The following TNPO3 variants were observed in gnomAD, a reference collection of about 807,000 sequenced individuals.
TNPO3 encodes the protein transportin 3, also known as transportin-3.
A neutral mutation model predicts 122.8 loss-of-function variants in TNPO3; 65 were observed. That is an observed-to-expected ratio of 0.53 (90% CI 0.43 to 0.65). The LOEUF (loss-of-function observed/expected upper bound fraction) is 0.65, where lower values mean the gene tolerates loss of function less well. TNPO3 is among the 30% of genes least tolerant of loss of function. TNPO3 has a pLI of 0.00. For synonymous variants in TNPO3, 372 were observed against 411.2 expected (o/e 0.90, Z 1.15); for missense variants, 850 against 1,136.7 (o/e 0.75, Z 3.63).
rs560517355 is a variant in TNPO3, at chr7:128,984,869, C to T, written c.1691-610G>A. Among the ~76,000 whole-genome samples, 7 of 152,186 alleles carry T rather than the reference C, an allele frequency of 4.6e-5. No homozygotes were observed. In the East Asian group the frequency reaches 1.3e-3, roughly 29 times the overall value. ...AGCCTCCTACCCCCTTTCTTTTTCCCTCCTAAACAAATCTTGACTTAGAAC... is the reference window on the plus strand; with the variant it reads ...AGCCTCCTACCCCCTTTCTTTTTCCTTCCTAAACAAATCTTGACTTAGAAC... On this transcript the variant is annotated intron_variant, in intron 12 of 22. Transcript: ENST00000265388.
rs112012198 is a variant in TNPO3 at position 129,036,114 on chromosome 7, C to A, written c.121-17957G>T. On this transcript the variant is annotated intron_variant, in intron 1 of 22. Coordinates refer to ENST00000265388, the MANE Select transcript of TNPO3 (RefSeq NM_012470.4). ...GACTCCAGGCGCCTGCCACCACACC[C>A]GGCTAATTTTTGTATTTTTAATAGA... Among the ~76,000 whole-genome samples the A allele has an allele frequency of 6.9e-3, 1,049 of 151,996 alleles. 14 individuals are homozygous for A. The highest frequency in any genetic ancestry group is 0.024 in the African/African-American group (1,012 of 41,468).
At chr7:128,977,386 T>C (rs1441190945) in intron 16 of TNPO3, among the ~76,000 whole-genome samples, 1 of 152,220 alleles carries the variant, frequency 6.6e-6, no homozygotes, top group Non-Finnish European at 1.5e-5. Context: ...AATGCGAACA[T>C]ACATTATTGT....
intron 22 of TNPO3, among the ~76,000 whole-genome samples, chr7:128,956,847 A>C (rs1447950146): frequency 6.6e-6 from 1 of 152,192 alleles, no homozygotes; most frequent in Non-Finnish European, 1.5e-5. Context: ...CACCACATAT[A>C]ACAGTCAACT....
chr7:129,053,047 G>A (rs960671734), intron 1 of TNPO3, among the ~76,000 whole-genome samples: 1 of 152,210 alleles, frequency 6.6e-6, no homozygotes, highest in East Asian at 1.9e-4. Flanking sequence ...AGTTGCAGCG[G>A]GGGGCGATGG....
chr7:129,015,132 G>A lies in TNPO3; in HGVS notation c.399C>T (p.Tyr133=), dbSNP rs1185271003. 2.5e-6 allele frequency: 4 copies of A among 1,607,704 alleles called. No individual in the cohort carries two copies. The African/African-American group carries it at 4.0e-5, about 16-fold the overall frequency. Residue 133 remains tyrosine, a synonymous_variant, in exon 4 of 23, where the codon TAC becomes TAT. Transcript: ENST00000265388. ...KGCVQTLVEK[Y]SNDVTSLPFL... is the part of the protein sequence containing the mutation. ...AAGGCAAAGAAGTCACATCATTGCT[G>A]TATCTGCAAAAGAAAAAAGTGGAGA...
intron 15 of TNPO3, 50 bp downstream of exon 15, chr7:128,979,921 A>T: frequency 1.3e-6 from 2 of 1,555,510 alleles, no homozygotes; most frequent in Non-Finnish European, 8.9e-7. Flanking sequence ...AAAGCCCTGT[A>T]AGGAAAAAAG....
intron 16 of TNPO3, 121 bp from the exon 17 acceptor site, chr7:128,976,056 A>G: frequency 7.1e-6 from 5 of 709,162 alleles, no homozygotes; most frequent in South Asian, 4.7e-5. Context: ...GCAACATAGT[A>G]TAAAGCTTCT....
chr7:128,957,752 A>G (rs564402148), intron 21 of TNPO3, among the ~76,000 whole-genome samples: 6 of 152,346 alleles, frequency 3.9e-5, no homozygotes, highest in African/African-American at 1.4e-4. Flanking sequence ...CTTGGTTGCT[A>G]CGGCTCTCAT....
intron 21 of TNPO3, among the ~76,000 whole-genome samples, chr7:128,960,463 G>A (rs1460630272): frequency 6.6e-6 from 1 of 151,966 alleles, no homozygotes; most frequent in Non-Finnish European, 1.5e-5. Flanking sequence ...CTTCTAAGTG[G>A]GACAAGATGT....
At chr7:128,969,471 C>T (rs2029817) in intron 20 of TNPO3, among the ~76,000 whole-genome samples, 43,364 of 151,746 alleles carry the variant, frequency 0.29, 7,113 homozygotes, top group Middle Eastern at 0.38. Flanking sequence ...ACTGCTTTTA[C>T]AGTAATATTA....
chr7:128,986,491 G>A (rs915711466), intron 12 of TNPO3, among the ~76,000 whole-genome samples: 3 of 152,244 alleles, frequency 2.0e-5, no homozygotes, highest in East Asian at 3.9e-4. Context: ...AATCTAGGTC[G>A]GTGCTATATA....
chr7:129,001,732 T>C (rs1801973573), intron 5 of TNPO3, among the ~76,000 whole-genome samples: 1 of 152,214 alleles, frequency 6.6e-6, no homozygotes. Flanking sequence ...TCCATCAATC[T>C]TCCCAATCTT....
chr7:129,021,941 G>T (rs1804564918), intron 1 of TNPO3, among the ~76,000 whole-genome samples: 1 of 150,900 alleles, frequency 6.6e-6, no homozygotes, highest in South Asian at 2.1e-4. Context: ...GAAAAGGAGT[G>T]TTTTTTTTTA....
At chr7:129,022,977 G>C (rs1397154014) in intron 1 of TNPO3, among the ~76,000 whole-genome samples, 1 of 152,148 alleles carries the variant, frequency 6.6e-6, no homozygotes, top group Non-Finnish European at 1.5e-5. Context: ...AAAGAGAAGT[G>C]GTATGTAATG....
At chr7:129,055,303 G>A (rs1452139488), upstream of TNPO3, 2 of 157,974 alleles carry the variant, frequency 1.3e-5, no homozygotes, top group Non-Finnish European at 2.8e-5. Flanking sequence ...CATTAGCGCC[G>A]AGATGTGCCC....
At chr7:128,963,210 GATAA>G (rs1227460709) in intron 21 of TNPO3, among the ~76,000 whole-genome samples, 2 of 152,168 alleles carry the variant, frequency 1.3e-5, no homozygotes, top group African/African-American at 2.4e-5. Context: ...TATTTCACTT[GATAA>G]ATAAACTGAA....
rs879498088 is a variant in TNPO3 at position 128,986,638 on chromosome 7, T to C, written c.1690+91A>G. 1.9e-5 allele frequency: 24 copies of C among 1,231,136 alleles called. No individual in the cohort carries two copies. In the East Asian group the frequency reaches 2.1e-4, roughly 11 times the overall value. 76.3% of individuals were successfully genotyped at this position (1,231,136 alleles called of 1,614,324 possible). On this transcript the variant is annotated intron_variant, in intron 12 of 22. Coordinates refer to ENST00000265388, the MANE Select transcript of TNPO3 (RefSeq NM_012470.4). ...TATAAATTCTTAAACACTAAGTACA[T>C]TGCAACTGAAAAACTGGGATATGAC...
At chr7:129,042,391 A>G (rs770625181) in intron 1 of TNPO3, among the ~76,000 whole-genome samples, 1 of 152,208 alleles carries the variant, frequency 6.6e-6, no homozygotes, top group Non-Finnish European at 1.5e-5. Context: ...TAAAAAGAAA[A>G]CTACAAATCG....
chr7:129,055,719 A>T (rs1660616210), upstream of TNPO3: 1 of 292,452 alleles, frequency 3.4e-6, no homozygotes, highest in African/African-American at 2.2e-5. Flanking sequence ...ATTGAACTGT[A>T]TTTTTGTGAA....
Sources: gnomAD v4.1 joint callset for allele counts (sites outside exome capture counted in the v4.1 genomes callset) on GRCh38, gnomAD v4.1.1 for gene constraint, MANE v1.5 for transcripts, NCBI Gene and HGNC (gene_info 2026-07-23, HGNC 2026-07-21) for gene names.